Variants in SORT1 observed in about 807,000 individuals in gnomAD.
SORT1 encodes sortilin.
Under a neutral mutation model 101.7 loss-of-function variants are expected in SORT1, and 39 were observed. The ratio of observed to expected loss-of-function variants is 0.38; its 90% CI spans 0.30 to 0.50. The LOEUF (loss-of-function observed/expected upper bound fraction) is 0.50, where lower values mean the gene tolerates loss of function less well. Ranked by LOEUF, SORT1 falls within the 20% of genes least tolerant of loss-of-function variation. The pLI, the probability that SORT1 is intolerant of heterozygous loss-of-function variation, is 0.90. For synonymous variants in SORT1, 396 were observed against 393.7 expected (o/e 1.01, Z -0.07); for missense variants, 878 against 1,040.4 (o/e 0.84, Z 2.15).
At chr1:109,376,327 T>C (rs1328495414) in intron 1 of SORT1, among the ~76,000 whole-genome samples, 2 of 77,296 alleles carry the variant, frequency 2.6e-5, no homozygotes, top group Non-Finnish European at 5.0e-5. Flanking sequence ...GGAGACTCCA[T>C]CTCAAAAAAA....
intron 8 of SORT1, among the ~76,000 whole-genome samples, chr1:109,343,379 T>C (rs1017974232): frequency 6.6e-6 from 1 of 152,186 alleles, no homozygotes; most frequent in Non-Finnish European, 1.5e-5. Flanking sequence ...AGAATGCACC[T>C]AACTCAATGG....
intron 1 of SORT1, among the ~76,000 whole-genome samples, chr1:109,381,942 A>T (rs1652268721): frequency 6.6e-6 from 1 of 152,164 alleles, no homozygotes; most frequent in Non-Finnish European, 1.5e-5. Flanking sequence ...GTATTATAGA[A>T]TTGATAGGGG....
intron 9 of SORT1, among the ~76,000 whole-genome samples, chr1:109,341,286 T>C (rs968127920): frequency 6.6e-6 from 1 of 152,210 alleles, no homozygotes; most frequent in Non-Finnish European, 1.5e-5. Flanking sequence ...AAACTGATGC[T>C]ATTGTAAAAC....
rs148066622 is a variant in SORT1 at position 109,358,023 on chromosome 1, T to A, written c.441-2554A>T. Among the ~76,000 whole-genome samples the A allele has an allele frequency of 3.0e-3, 460 of 152,262 alleles. 5 individuals are homozygous for A. The highest frequency in any genetic ancestry group is 0.011 in the African/African-American group (439 of 41,550). On this transcript the variant is annotated intron_variant, in intron 3 of 19. Transcript: ENST00000256637. ...TACAAATTGGTCCTCCTTCATGACA[T>A]CCCCAGAGAATCTCCACAAACCTGT... is the stretch of plus-strand genomic sequence containing the variant.
chr1:109,351,151 C>G, intron 5 of SORT1, 149 bp from the exon 6 acceptor site: 4 of 667,462 alleles, frequency 6.0e-6, no homozygotes, highest in Non-Finnish European at 8.1e-6. Flanking sequence ...CAGACACACA[C>G]GTAGTTTATC....
At chr1:109,338,233 G>A (rs527297124) in intron 10 of SORT1, among the ~76,000 whole-genome samples, 203 of 152,110 alleles carry the variant, frequency 1.3e-3, no homozygotes, top group Admixed American at 2.1e-3. Context: ...GGGAACTGTC[G>A]GTGCAAACTC....
intron 5 of SORT1, among the ~76,000 whole-genome samples, chr1:109,353,592 A>G (rs1650110378): frequency 6.6e-6 from 1 of 152,132 alleles, no homozygotes. Flanking sequence ...GGAGCCTGCT[A>G]AAAATATTAG....
At chr1:109,338,937 G>C (rs1307909361) in intron 10 of SORT1, among the ~76,000 whole-genome samples, 1 of 151,940 alleles carries the variant, frequency 6.6e-6, no homozygotes, top group Non-Finnish European at 1.5e-5. Context: ...GAGTGCAGTG[G>C]CATGGTCTTG....
chr1:109,388,612 T>C (rs112962999), intron 1 of SORT1, among the ~76,000 whole-genome samples: 1 of 152,270 alleles, frequency 6.6e-6, no homozygotes, highest in Non-Finnish European at 1.5e-5. Context: ...ATATTAGAGA[T>C]ATGAAAAAAA....
At chr1:109,350,901 T>C in intron 6 of SORT1, 28 bp downstream of exon 6, 1 of 1,482,870 alleles carries the variant, frequency 6.7e-7, no homozygotes, top group East Asian at 2.3e-5. Flanking sequence ...TTTAGGGCTC[T>C]GCACAGATGG....
chr1:109,334,750 G>A (rs1475706492), intron 11 of SORT1, among the ~76,000 whole-genome samples: 4 of 151,946 alleles, frequency 2.6e-5, no homozygotes, highest in Non-Finnish European at 5.9e-5. Flanking sequence ...ATTTCACAAT[G>A]TATATATATA....
chr1:109,351,965 G>GGGGGTGT (rs932648162), intron 5 of SORT1, among the ~76,000 whole-genome samples: 1 of 147,412 alleles, frequency 6.8e-6, no homozygotes, highest in South Asian at 2.2e-4. Context: ...GAGAGGTAGG[G>GGGGGTGT]GTGTGTGTGT....
chr1:109,334,404 G>A (rs1416957598), intron 11 of SORT1, among the ~76,000 whole-genome samples: 1 of 152,138 alleles, frequency 6.6e-6, no homozygotes, highest in African/African-American at 2.4e-5. Flanking sequence ...AACCTGGGAG[G>A]CATTATGTTA....
intron 1 of SORT1, among the ~76,000 whole-genome samples, chr1:109,390,400 T>C (rs1019143577): frequency 6.6e-6 from 1 of 152,158 alleles, no homozygotes; most frequent in Admixed American, 6.5e-5. Flanking sequence ...TTGATAAAAC[T>C]TCTCATTTGA....
chr1:109,318,014 A>T, intron 15 of SORT1, 45 bp from the exon 16 acceptor site: 2 of 1,234,996 alleles, frequency 1.6e-6, no homozygotes, highest in Non-Finnish European at 2.4e-6. Flanking sequence ...CAGCTGGAAG[A>T]CCGTTAAGTG....
chr1:109,361,295 C>T (rs192236233), intron 3 of SORT1, among the ~76,000 whole-genome samples: 6 of 152,346 alleles, frequency 3.9e-5, no homozygotes, highest in Admixed American at 3.9e-4. Context: ...AACATGAACA[C>T]AATTCAGCCT....
chr1:109,336,341 A>T lies in SORT1; in HGVS notation c.1270T>A (p.Ser424Thr). 6.3e-7 allele frequency: 1 copy of T among 1,591,482 alleles called. No homozygotes were observed. Among genetic ancestry groups the T allele is most frequent in the Non-Finnish European group, 8.6e-7 (1 of 1,159,286 alleles). Residue 424 changes from serine to threonine, a missense_variant, in exon 11 of 20, where the codon TCT (serine) becomes ACT (threonine). Around this residue, in one of 2 missense-constraint regions of SORT1, gnomAD observed 684 missense variants for 894.5 expected, o/e 0.76. Coordinates refer to ENST00000256637, the MANE Select transcript of SORT1 (RefSeq NM_002959.7). ...YITSVLSEDN[S>T]IQTMITFDQG... Reference sequence around the variant, plus strand: ...TCAAAAGTGATCATGGTCTGGATAGAATTATCTGAATGGGAAGAGAACAAC... The same window carrying T: ...TCAAAAGTGATCATGGTCTGGATAGTATTATCTGAATGGGAAGAGAACAAC...
chr1:109,321,163 T>A (rs907928604), intron 15 of SORT1, among the ~76,000 whole-genome samples: 1 of 152,242 alleles, frequency 6.6e-6, no homozygotes, highest in African/African-American at 2.4e-5. Context: ...GAATAGAATA[T>A]GCTTCCAAGG....
chr1:109,332,014 T>C (rs552917827), intron 11 of SORT1, among the ~76,000 whole-genome samples: 2 of 140,508 alleles, frequency 1.4e-5, no homozygotes, highest in East Asian at 2.1e-4. Flanking sequence ...CTACAAAACA[T>C]TGATGAAAGA....
Sources: allele counts gnomAD v4.1 joint callset (sites outside exome capture counted in the v4.1 genomes callset), GRCh38; gene constraint gnomAD v4.1.1; regional missense constraint gnomAD v4.1.1; transcripts MANE v1.5; gene names NCBI Gene and HGNC (gene_info 2026-07-23, HGNC 2026-07-21).